CNTN5: variants seen among roughly 807,000 people sequenced by gnomAD.
The protein encoded by CNTN5 is contactin 5.
In CNTN5, 77 loss-of-function variants were observed where a neutral mutation model predicts 129.1. The observed-to-expected ratio is 0.60, with a 90% CI of 0.50 to 0.72. CNTN5 has a LOEUF of 0.72. Among genes scored for constraint, CNTN5 ranks in the 30% least tolerant of loss-of-function variants. CNTN5 has a pLI of 0.00. For synonymous variants in CNTN5, 509 were observed against 465.6 expected (o/e 1.09, Z -1.20); for missense variants, 1,478 against 1,328.8 (o/e 1.11, Z -1.75).
In CNTN5 at chr11:99,736,056, C is replaced by T. The variant is rs543157580; in HGVS notation, c.56-83488C>T. 2.6e-5 allele frequency among the ~76,000 whole-genome samples: 4 copies of T among 151,662 alleles called. No homozygotes were observed. The East Asian group carries it at 7.8e-4, about 29-fold the overall frequency. The stretch of plus-strand genomic sequence containing the variant: ...TCTTTTTCTTTCTCTTTCTCTGTCC[C>T]TCTCTCTCTTTCTTTTTCATATTTA... On this transcript the variant is annotated intron_variant, in intron 3 of 24. Coordinates refer to ENST00000524871, the MANE Select transcript of CNTN5 (RefSeq NM_014361.4).
intron 3 of CNTN5, among the ~76,000 whole-genome samples, chr11:99,731,506 C>A (rs1760202445): frequency 6.6e-6 from 1 of 151,940 alleles, no homozygotes; most frequent in Non-Finnish European, 1.5e-5. Flanking sequence ...AATACTTTAC[C>A]CTTAAATTAA....
intron 6 of CNTN5, among the ~76,000 whole-genome samples, chr11:99,895,640 AAGTG>A: frequency 6.6e-6 from 1 of 152,248 alleles, no homozygotes; most frequent in African/African-American, 2.4e-5. Context: ...TAAGTTGGGA[AAGTG>A]AGTGGGGGAA....
intron 3 of CNTN5, among the ~76,000 whole-genome samples, chr11:99,677,524 A>G (rs558553200): frequency 6.6e-6 from 1 of 152,296 alleles, no homozygotes; most frequent in East Asian, 1.9e-4. Flanking sequence ...ATATGGCAAC[A>G]TGCAGTCTCA....
At chr11:99,607,442 G>C (rs1335171249) in intron 3 of CNTN5, among the ~76,000 whole-genome samples, 1 of 130,788 alleles carries the variant, frequency 7.6e-6, no homozygotes, top group Non-Finnish European at 1.7e-5. Context: ...TAAAAAGTCA[G>C]GAAACAACAG....
At chr11:100,039,372 C>G (rs11823763) in intron 9 of CNTN5, among the ~76,000 whole-genome samples, 6,218 of 152,202 alleles carry the variant, frequency 0.041, 150 homozygotes, top group African/African-American at 0.068. Context: ...TTGAGGGTAA[C>G]CCGACCTTTC....
At chr11:100,308,894 T>G in intron 21 of CNTN5, 1 of 984,714 alleles carries the variant, frequency 1.0e-6, no homozygotes, top group Non-Finnish European at 1.2e-6. Context: ...AATTTAATGA[T>G]CTGTATTGTA....
intron 1 of CNTN5, among the ~76,000 whole-genome samples, chr11:99,204,699 G>A (rs1476083598): frequency 6.6e-6 from 1 of 152,138 alleles, no homozygotes; most frequent in Non-Finnish European, 1.5e-5. Flanking sequence ...TCTATACAAT[G>A]TTAAATGTGC....
At chr11:100,355,734 G>A (rs893070049) in intron 24 of CNTN5, among the ~76,000 whole-genome samples, 6 of 151,594 alleles carry the variant, frequency 4.0e-5, no homozygotes, top group African/African-American at 1.5e-4. Context: ...TCATTATGCA[G>A]CTCATGACTG....
chr11:99,373,171 T>C (rs1939936108), intron 2 of CNTN5, among the ~76,000 whole-genome samples: 1 of 152,108 alleles, frequency 6.6e-6, no homozygotes, highest in Non-Finnish European at 1.5e-5. Context: ...ATCGCACCAT[T>C]GCACTCCAGC....
chr11:99,751,549 A>G (rs1313120418), intron 3 of CNTN5, among the ~76,000 whole-genome samples: 4 of 152,200 alleles, frequency 2.6e-5, no homozygotes, highest in Admixed American at 6.5e-5. Flanking sequence ...ACCTCTCTCT[A>G]TATAAATTCA....
intron 3 of CNTN5, among the ~76,000 whole-genome samples, chr11:99,686,928 C>T (rs1953818401): frequency 6.6e-6 from 1 of 152,114 alleles, no homozygotes; most frequent in Non-Finnish European, 1.5e-5. Context: ...CAAATGCTGG[C>T]CTGCTTTTTC....
At chr11:99,754,675 C>T (rs1944351801) in intron 3 of CNTN5, among the ~76,000 whole-genome samples, 2 of 152,106 alleles carry the variant, frequency 1.3e-5, no homozygotes, top group Non-Finnish European at 2.9e-5. Context: ...TACTTCCTGC[C>T]TTCTCTGCCA....
At chr11:100,174,079 C>T (rs1947894879) in intron 13 of CNTN5, among the ~76,000 whole-genome samples, 1 of 152,044 alleles carries the variant, frequency 6.6e-6, no homozygotes, top group South Asian at 2.1e-4. Context: ...TGGGACCTTC[C>T]TGGATGTCCA....
chr11:100,321,180 G>A (rs1450333396), intron 21 of CNTN5, among the ~76,000 whole-genome samples: 1 of 151,686 alleles, frequency 6.6e-6, no homozygotes, highest in Non-Finnish European at 1.5e-5. Context: ...TCCAGTCCAT[G>A]AACATAGGAT....
At chr11:99,949,904 T>C (rs1045484115) in intron 7 of CNTN5, among the ~76,000 whole-genome samples, 8 of 152,212 alleles carry the variant, frequency 5.3e-5, no homozygotes, top group African/African-American at 1.9e-4. Flanking sequence ...ATTTATCTTA[T>C]GTTTTTCTAA....
intron 1 of CNTN5, among the ~76,000 whole-genome samples, chr11:99,173,038 T>C (rs1188317655): frequency 1.3e-5 from 2 of 152,150 alleles, no homozygotes; most frequent in Non-Finnish European, 2.9e-5. Context: ...AGAGAGAGCT[T>C]ATGCAGGGCA....
At chr11:99,622,690 G>C (rs750770231) in intron 3 of CNTN5, among the ~76,000 whole-genome samples, 6 of 151,992 alleles carry the variant, frequency 3.9e-5, no homozygotes, top group Non-Finnish European at 7.4e-5. Context: ...AAATTTCATT[G>C]TATTCTTAAA....
intron 2 of CNTN5, among the ~76,000 whole-genome samples, chr11:99,552,097 A>G (rs1489484217): frequency 6.6e-6 from 1 of 151,794 alleles, no homozygotes; most frequent in Non-Finnish European, 1.5e-5. Context: ...TAGTAGAGAC[A>G]AGGTTTCACC....
chr11:99,839,080 GTTTAC>G (rs981750017), intron 4 of CNTN5, among the ~76,000 whole-genome samples: 1 of 151,888 alleles, frequency 6.6e-6, no homozygotes, highest in African/African-American at 2.4e-5. Flanking sequence ...TAAAAGGCAT[GTTTAC>G]TTTATATCAT....
Sources: allele counts gnomAD v4.1 joint callset (sites outside exome capture counted in the v4.1 genomes callset), GRCh38; gene constraint gnomAD v4.1.1; transcripts MANE v1.5; gene names NCBI Gene and HGNC (gene_info 2026-07-23, HGNC 2026-07-21).